Variants in SV2C observed in about 807,000 individuals in gnomAD.
SV2C encodes synaptic vesicle glycoprotein 2C, also known as solute carrier family 22 member B3.
Under a neutral mutation model 79.7 loss-of-function variants are expected in SV2C, and 49 were observed. That is an observed-to-expected ratio of 0.61 (90% CI 0.49 to 0.78). SV2C has a LOEUF of 0.78. Ranked by LOEUF, SV2C falls within the 30% of genes least tolerant of loss-of-function variation. The pLI is 0.00. For missense variants in SV2C, 833 were observed against 912.9 expected (o/e 0.91, Z 1.13); for synonymous variants, 334 against 333.2 (o/e 1.00, Z -0.03).
chr5:75,904,764 T>G, the SV2C span, among the ~76,000 whole-genome samples: 3 of 152,238 alleles, frequency 2.0e-5, no homozygotes, highest in African/African-American at 7.2e-5. Flanking sequence ...ATGTCTACAA[T>G]GCGAAAACTG....
At chr5:75,900,951 CT>C in the SV2C span, among the ~76,000 whole-genome samples, 1 of 152,182 alleles carries the variant, frequency 6.6e-6, no homozygotes, top group African/African-American at 2.4e-5. Flanking sequence ...CATTTAAGCA[CT>C]TTTCTGTATT....
the SV2C span, among the ~76,000 whole-genome samples, chr5:76,002,929 C>T: frequency 6.6e-6 from 1 of 151,896 alleles, no homozygotes; most frequent in African/African-American, 2.4e-5. Context: ...GGCTGTGTCC[C>T]CACCCAAATC....
chr5:76,166,459 TA>T (rs56869251), intron 2 of SV2C, among the ~76,000 whole-genome samples: 1 of 111,368 alleles, frequency 9.0e-6, no homozygotes, highest in African/African-American at 3.3e-5. Context: ...CAAATTCAAA[TA>T]AAAGCTACCT....
At chr5:76,151,838 T>C (rs888297356) in intron 2 of SV2C, among the ~76,000 whole-genome samples, 15 of 152,066 alleles carry the variant, frequency 9.9e-5, no homozygotes, top group African/African-American at 3.6e-4. Flanking sequence ...TTTGTTGAGG[T>C]TGAGATGCCA....
the SV2C span, among the ~76,000 whole-genome samples, chr5:76,020,059 C>A: frequency 6.6e-6 from 1 of 151,982 alleles, no homozygotes; most frequent in Non-Finnish European, 1.5e-5. Context: ...ATTATATTGT[C>A]AAAAAAACTC....
In SV2C at chr5:76,165,943, C is replaced by G. The variant is rs373216082; in HGVS notation, c.581-28976C>G. ...CCAACCCAGACCAGGAGAGTGAGAACTGCAGCAGAGGCATGCCCAGAATCA... is the reference window on the plus strand; with the variant it reads ...CCAACCCAGACCAGGAGAGTGAGAAGTGCAGCAGAGGCATGCCCAGAATCA... On this transcript the variant is annotated intron_variant, in intron 2 of 12. Transcript: ENST00000502798. 3.9e-5 allele frequency among the ~76,000 whole-genome samples: 6 copies of G among 152,218 alleles called. No individual in the cohort carries two copies. The South Asian group carries it at 1.2e-3, about 32-fold the overall frequency.
the SV2C span, among the ~76,000 whole-genome samples, chr5:75,882,286 G>C: frequency 6.6e-6 from 1 of 151,568 alleles, no homozygotes; most frequent in Non-Finnish European, 1.5e-5. Flanking sequence ...CCATGCTCAT[G>C]GGTAGGAAGA....
chr5:75,956,859 CAG>C, the SV2C span, among the ~76,000 whole-genome samples: 1 of 151,922 alleles, frequency 6.6e-6, no homozygotes, highest in Non-Finnish European at 1.5e-5. Context: ...ATAAAACATG[CAG>C]AGTTTCACAT....
intron 1 of SV2C, among the ~76,000 whole-genome samples, chr5:76,129,720 A>G (rs1748819252): frequency 6.6e-6 from 1 of 152,166 alleles, no homozygotes; most frequent in African/African-American, 2.4e-5. Flanking sequence ...GTCAGTTGAT[A>G]TACAATTTCT....
At chr5:76,003,848 A>G in the SV2C span, among the ~76,000 whole-genome samples, 1 of 151,998 alleles carries the variant, frequency 6.6e-6, no homozygotes, top group Admixed American at 6.6e-5. Flanking sequence ...GAGAAATCAA[A>G]GCAAAAGTCA....
chr5:75,908,504 A>C, the SV2C span, among the ~76,000 whole-genome samples: 1 of 152,154 alleles, frequency 6.6e-6, no homozygotes, highest in Non-Finnish European at 1.5e-5. Flanking sequence ...AATTTTTATT[A>C]GTTTTATGTG....
intron 11 of SV2C, 64 bp from the exon 12 acceptor site, chr5:76,301,322 C>A (rs1013525841): frequency 1.0e-5 from 16 of 1,594,052 alleles, no homozygotes; most frequent in Non-Finnish European, 1.4e-5. Flanking sequence ...CCCAAGGACC[C>A]AAGGGTTCTT....
intron 4 of SV2C, chr5:76,280,976 C>G (rs1747173046): frequency 3.7e-6 from 2 of 537,930 alleles, no homozygotes; most frequent in Non-Finnish European, 7.6e-6. Flanking sequence ...GTGATGCGGC[C>G]CAACAGGAAG....
At chr5:76,030,073 T>C in the SV2C span, among the ~76,000 whole-genome samples, 58 of 152,250 alleles carry the variant, frequency 3.8e-4, no homozygotes, top group African/African-American at 1.3e-3. Flanking sequence ...GGGAAACCAC[T>C]TTAAATAGAA....
rs539527420 is a variant in SV2C, at chr5:76,100,594, G to A, written c.-102+17082G>A. Among the ~76,000 whole-genome samples, 21 of 152,306 alleles carry A rather than the reference G, an allele frequency of 1.4e-4. No individual in the cohort carries two copies. The East Asian group carries it at 3.9e-3, about 28-fold the overall frequency. On this transcript the variant is annotated intron_variant, in intron 1 of 12. Transcript: ENST00000502798. ...CAAATTGACCATCTCCCTTGTGCAAGGGATATGCTATGCTAATTAGGAGAA... is the reference window on the plus strand; with the variant it reads ...CAAATTGACCATCTCCCTTGTGCAAAGGATATGCTATGCTAATTAGGAGAA...
chr5:76,183,068 C>T (rs1743801839), intron 2 of SV2C, among the ~76,000 whole-genome samples: 1 of 132,800 alleles, frequency 7.5e-6, no homozygotes, highest in Non-Finnish European at 1.6e-5. Context: ...CAGAGTCTCA[C>T]TCTTGTTGCC....
intron 12 of SV2C, among the ~76,000 whole-genome samples, chr5:76,341,097 ATTTTTATAT>A (rs1749433059): frequency 6.6e-6 from 1 of 151,756 alleles, no homozygotes. Context: ...TGCCTAGCTA[ATTTTTATAT>A]TTTTAGTACA....
At chr5:75,952,200 G>GAAATAACTTA in the SV2C span, among the ~76,000 whole-genome samples, 27 of 151,926 alleles carry the variant, frequency 1.8e-4, no homozygotes, top group African/African-American at 6.5e-4. Context: ...TTGCTGAATT[G>GAAATAACTTA]AAATAACTTA....
chr5:76,176,769 A>G (rs1013704944), intron 2 of SV2C, among the ~76,000 whole-genome samples: 4 of 152,178 alleles, frequency 2.6e-5, no homozygotes, highest in Non-Finnish European at 4.4e-5. Flanking sequence ...TTTTGAAATG[A>G]TTTGCAGCAT....
Sources: gnomAD v4.1 joint callset for allele counts (sites outside exome capture counted in the v4.1 genomes callset) on GRCh38, gnomAD v4.1.1 for gene constraint, MANE v1.5 for transcripts, NCBI Gene and HGNC (gene_info 2026-07-23, HGNC 2026-07-21) for gene names.